Variants in VPS45 observed in about 807,000 individuals in gnomAD.
The protein encoded by VPS45 is vacuolar protein sorting 45 homolog.
In VPS45, 35 loss-of-function variants were observed where a neutral mutation model predicts 75.9. The observed-to-expected ratio is 0.46, with a 90% CI of 0.35 to 0.61. VPS45 has a LOEUF of 0.61. VPS45 is among the 20% of genes least tolerant of loss of function. The probability of loss-of-function intolerance (pLI) is 0.00; values close to 1 mark genes in which losing one functional copy is unlikely to be tolerated. For missense variants in VPS45, 559 were observed against 685.9 expected (o/e 0.81, Z 2.07); for synonymous variants, 220 against 238.2 (o/e 0.92, Z 0.70).
chr1:150,108,408 T>C (rs1260084405), intron 13 of VPS45, among the ~76,000 whole-genome samples: 5 of 152,306 alleles, frequency 3.3e-5, no homozygotes, highest in South Asian at 2.1e-4. Flanking sequence ...GAATTAAATA[T>C]TTAATTTTAT....
intron 13 of VPS45, among the ~76,000 whole-genome samples, chr1:150,105,490 A>G (rs587626557): frequency 6.6e-6 from 1 of 152,344 alleles, no homozygotes; most frequent in South Asian, 2.1e-4. Flanking sequence ...TCAAGCTGAG[A>G]ATCAAAGTAA....
intron 13 of VPS45, among the ~76,000 whole-genome samples, chr1:150,107,213 G>A (rs1657378516): frequency 6.6e-6 from 1 of 152,150 alleles, no homozygotes; most frequent in Non-Finnish European, 1.5e-5. Flanking sequence ...TTCGGGGAAA[G>A]CACTAGACCT....
chr1:150,126,412 A>G (rs1469945020), intron 14 of VPS45, among the ~76,000 whole-genome samples: 1 of 151,822 alleles, frequency 6.6e-6, no homozygotes, highest in South Asian at 2.1e-4. Flanking sequence ...ATGGGGTTTC[A>G]CCATGTTAGC....
At position 150,110,616 on chromosome 1, in the gene VPS45, C is replaced by T. The variant is rs1195456649; in HGVS notation, c.1614C>T (p.His538=). 1 of 1,609,480 alleles carries T rather than the reference C, an allele frequency of 6.2e-7. No individual in the cohort carries two copies. The highest frequency in any genetic ancestry group is 1.3e-5 in the African/African-American group (1 of 74,764). Residue 538 remains histidine (H), a synonymous_variant, in exon 14 of 15, where the codon CAC becomes CAT. Transcript: ENST00000644510. The part of the protein sequence containing the change: ...VRIVLGGTTV[H]NTKSFLEEVL... ...TTGTCCTGGGAGGCACCACAGTGCA[C>T]AACACGAAAAGGTAAAAGAGAACAT...
chr1:150,101,735 GAA>G (rs34957236), intron 13 of VPS45, among the ~76,000 whole-genome samples: 1 of 140,908 alleles, frequency 7.1e-6, no homozygotes, highest in African/African-American at 2.6e-5. Context: ...ACTCCACCTT[GAA>G]AAAAAAAAAA....
intron 10 of VPS45, among the ~76,000 whole-genome samples, chr1:150,086,597 T>C (rs1656026769): frequency 6.6e-6 from 1 of 152,154 alleles, no homozygotes; most frequent in Non-Finnish European, 1.5e-5. Flanking sequence ...AATGTAAAAA[T>C]GATCCTTTTA....
intron 14 of VPS45, among the ~76,000 whole-genome samples, chr1:150,117,729 G>T (rs1463419984): frequency 6.6e-6 from 1 of 150,872 alleles, no homozygotes; most frequent in Non-Finnish European, 1.5e-5. Context: ...GTGTGGTGGC[G>T]CCACCTGTGG....
In VPS45 at chr1:150,081,869, C is replaced by G; in HGVS notation, c.823-15C>G. ...ACTAGTTGATGAAGTGTGCTTCCAA[C>G]TTTCTTTTTCACAGAATATGTACCT... On this transcript the variant is annotated splice_polypyrimidine_tract_variant and intron_variant, in intron 8 of 14. Transcript: ENST00000644510. 7 of 1,540,484 alleles carry G rather than the reference C, an allele frequency of 4.5e-6. No homozygotes were observed. Among genetic ancestry groups the G allele is most frequent in the African/African-American group, 1.4e-5 (1 of 72,810 alleles).
rs1005889654 is a variant in VPS45, at chr1:150,084,475, A to G, written c.1104+1592A>G. ...AAGAATTAGACGACAGGCTGGATAT[A>G]AAGATAGAATAAATCAGAGGTAATC... is the stretch of plus-strand genomic sequence containing the variant. On this transcript the variant is annotated intron_variant, in intron 10 of 14. Transcript: ENST00000644510. Among the ~76,000 whole-genome samples, 3 of 152,180 alleles carry G rather than the reference A, an allele frequency of 2.0e-5. No homozygotes were observed. In the East Asian group the frequency reaches 5.8e-4, roughly 29 times the overall value.
intron 14 of VPS45, among the ~76,000 whole-genome samples, chr1:150,122,988 CAA>C (rs111687152): frequency 7.9e-6 from 1 of 126,536 alleles, no homozygotes. Context: ...AACTCCTTCT[CAA>C]AAAAAAAAAA....
intron 10 of VPS45, chr1:150,083,292 CAT>C (rs1655818736): frequency 6.5e-6 from 1 of 154,266 alleles, no homozygotes; most frequent in Non-Finnish European, 1.4e-5. Context: ...AAAGATAAAA[CAT>C]ATATTAAAAT....
chr1:150,068,056 A>T, intron 1 of VPS45, 106 bp downstream of exon 1: 1 of 1,213,852 alleles, frequency 8.2e-7, no homozygotes, highest in Non-Finnish European at 1.2e-6. Flanking sequence ...TACGAAAATG[A>T]GGGTCGGTTT....
At chr1:150,137,608 A>G (rs1659181004) in intron 14 of VPS45, among the ~76,000 whole-genome samples, 2 of 152,090 alleles carry the variant, frequency 1.3e-5, no homozygotes, top group South Asian at 4.1e-4. Context: ...TGTATTATTC[A>G]TAGAAGCATA....
At chr1:150,133,978 CTTCT>C (rs1658953207) in intron 14 of VPS45, among the ~76,000 whole-genome samples, 1 of 151,652 alleles carries the variant, frequency 6.6e-6, no homozygotes, top group Non-Finnish European at 1.5e-5. Context: ...CTCCTGTTTG[CTTCT>C]TTGTTTTGTT....
intron 13 of VPS45, among the ~76,000 whole-genome samples, chr1:150,103,970 A>C (rs587667693): frequency 6.6e-6 from 1 of 152,202 alleles, no homozygotes; most frequent in African/African-American, 2.4e-5. Flanking sequence ...AAGTAAATAA[A>C]ATGTGTTTAT....
chr1:150,094,573 A>T lies in VPS45; in HGVS notation c.1493+925A>T, dbSNP rs587630768. On this transcript the variant is annotated intron_variant, in intron 13 of 14. Coordinates refer to ENST00000644510, the MANE Select transcript of VPS45 (RefSeq NM_007259.5). ...AAAAAAATCATCTTTTAAAAGTCCAAGGTTGAGATGCAGAACATTTGGTGT... is the reference window on the plus strand; with the variant it reads ...AAAAAAATCATCTTTTAAAAGTCCATGGTTGAGATGCAGAACATTTGGTGT... Among the ~76,000 whole-genome samples the T allele has an allele frequency of 2.0e-5, 3 of 152,266 alleles. No individual in the cohort carries two copies. The East Asian group carries it at 5.8e-4, about 29-fold the overall frequency.
intron 14 of VPS45, among the ~76,000 whole-genome samples, chr1:150,111,942 G>T (rs1657672104): frequency 6.6e-6 from 1 of 152,066 alleles, no homozygotes; most frequent in South Asian, 2.1e-4. Flanking sequence ...ACGTCTTCTA[G>T]TGTTAAATAT....
chr1:150,071,879 T>C (rs1655094198), intron 2 of VPS45, among the ~76,000 whole-genome samples: 1 of 152,128 alleles, frequency 6.6e-6, no homozygotes, highest in Admixed American at 6.6e-5. Flanking sequence ...AATTTTATGT[T>C]GTGTTTCAAC....
At chr1:150,097,090 C>CTT (rs71743388) in intron 13 of VPS45, among the ~76,000 whole-genome samples, 1,966 of 138,350 alleles carry the variant, frequency 0.014, 108 homozygotes, top group Middle Eastern at 0.035. Context: ...ACATTTCTTT[C>CTT]TTTTTTTTTT....
Sources: allele counts gnomAD v4.1 joint callset (sites outside exome capture counted in the v4.1 genomes callset), GRCh38; gene constraint gnomAD v4.1.1; transcripts MANE v1.5; gene names NCBI Gene and HGNC (gene_info 2026-07-23, HGNC 2026-07-21).